ECE1: variants seen among roughly 807,000 people sequenced by gnomAD.
The protein encoded by ECE1 is endothelin converting enzyme 1, also known as endothelin-converting enzyme 1.
In ECE1, 35 loss-of-function variants were observed where a neutral mutation model predicts 98.6. That is an observed-to-expected ratio of 0.35 (90% CI 0.27 to 0.47). The LOEUF is 0.47. Ranked by LOEUF, ECE1 falls within the 20% of genes least tolerant of loss-of-function variation. The pLI, the probability that ECE1 is intolerant of heterozygous loss-of-function variation, is 1.00. For missense variants in ECE1, 814 were observed against 1,025.3 expected (o/e 0.79, Z 2.81); for synonymous variants, 394 against 407.1 (o/e 0.97, Z 0.39).
chr1:21,263,421 A>T (rs2098229700), intron 4 of ECE1, among the ~76,000 whole-genome samples: 1 of 151,748 alleles, frequency 6.6e-6, no homozygotes, highest in South Asian at 2.1e-4. Context: ...CAGGGGCGCA[A>T]TCTCGGCTCA....
intron 9 of ECE1, among the ~76,000 whole-genome samples, chr1:21,245,318 G>T (rs2098201923): frequency 6.6e-6 from 1 of 152,248 alleles, no homozygotes; most frequent in African/African-American, 2.4e-5. Context: ...AAACGCTTCA[G>T]TGTTGAGTGC....
Position 21,238,414 on chromosome 1 carries a change from C to T in ECE1, c.1279-170G>A, listed in dbSNP as rs1272744446. ...TCACCGGACCAAGAGGCCACTGATA[C>T]CCTCACTCCCACCCCCTGCCATTTC... On this transcript the variant is annotated intron_variant, in intron 10 of 18. Transcript: ENST00000374893. 9.0e-6 allele frequency: 6 copies of T among 665,154 alleles called. No homozygotes were observed. The East Asian group carries it at 1.6e-4, about 18-fold the overall frequency. 41.2% of individuals were successfully genotyped at this position (665,154 alleles called of 1,614,324 possible).
In ECE1 at chr1:21,314,370, C is replaced by A. The variant is rs377479547; in HGVS notation, c.4-24214G>T. On this transcript the variant is annotated intron_variant, in intron 1 of 18. Coordinates refer to the ECE1 transcript ENST00000415912. ...AATTCCTGGCTCGGTAGTGATACAG[C>A]CTGAGCTCCTCCTCTCCCTCCAGGG... Among the ~76,000 whole-genome samples the A allele has an allele frequency of 1.1e-4, 16 of 152,336 alleles. No homozygotes were observed. The East Asian group carries it at 2.1e-3, about 20-fold the overall frequency.
intron 10 of ECE1, among the ~76,000 whole-genome samples, chr1:21,239,962 G>A (rs2098193931): frequency 1.3e-5 from 2 of 152,106 alleles, no homozygotes; most frequent in Non-Finnish European, 2.9e-5. Flanking sequence ...CTTGAGGTCA[G>A]GAGTTCAAGA....
intron 1 of ECE1, among the ~76,000 whole-genome samples, chr1:21,304,004 T>C (rs1002756031): frequency 6.8e-6 from 1 of 146,658 alleles, no homozygotes; most frequent in African/African-American, 2.6e-5. Context: ...AAAAAATGAA[T>C]AGTTTCCATT....
intron 1 of ECE1, among the ~76,000 whole-genome samples, chr1:21,335,075 C>T (rs1639279716): frequency 6.6e-6 from 1 of 152,108 alleles, no homozygotes; most frequent in Non-Finnish European, 1.5e-5. Flanking sequence ...CCCTAGCCTT[C>T]CCTCCACCCT....
intron 1 of ECE1, among the ~76,000 whole-genome samples, chr1:21,324,961 A>G (rs953523940): frequency 6.6e-6 from 1 of 152,250 alleles, no homozygotes; most frequent in South Asian, 2.1e-4. Flanking sequence ...CGAAAGAAGG[A>G]GAAAAACAGT....
At chr1:21,282,942 T>C (rs868512976) in intron 2 of ECE1, among the ~76,000 whole-genome samples, 2 of 146,256 alleles carry the variant, frequency 1.4e-5, no homozygotes, top group Non-Finnish European at 3.0e-5. Flanking sequence ...ACATTATTTT[T>C]TTTTTTTTTT....
At chr1:21,332,235 A>G (rs1639212954) in intron 1 of ECE1, among the ~76,000 whole-genome samples, 1 of 152,008 alleles carries the variant, frequency 6.6e-6, no homozygotes, top group African/African-American at 2.4e-5. Flanking sequence ...GCCATAGTAC[A>G]AACCCCTAGA....
Position 21,239,591 on chromosome 1 carries a change from CCA to C in ECE1, c.1279-1349_1279-1348del, listed in dbSNP as rs548672570. Among the ~76,000 whole-genome samples, 551 of 152,228 alleles carry C rather than the reference CCA, an allele frequency of 3.6e-3. 5 individuals carry two copies. The highest frequency in any genetic ancestry group is 0.012 in the African/African-American group (497 of 41,538). ...ATATATACGACAGCATGGATAAATT[CCA>C]CAGACTCAAGCTGAGCAAAAGCAGC... On this transcript the variant is annotated intron_variant, in intron 10 of 18. Transcript: ENST00000374893.
At chr1:21,230,509 C>A (rs1008038687) in intron 14 of ECE1, among the ~76,000 whole-genome samples, 1 of 152,160 alleles carries the variant, frequency 6.6e-6, no homozygotes, top group African/African-American at 2.4e-5. Flanking sequence ...GCCTCAGCCA[C>A]CTGAGTAGCT....
At chr1:21,293,048 G>A (rs1434934342), upstream of ECE1, among the ~76,000 whole-genome samples, 4 of 152,192 alleles carry the variant, frequency 2.6e-5, no homozygotes, top group Non-Finnish European at 5.9e-5. Context: ...ACATCTCCCC[G>A]GGGCATGTGG....
At chr1:21,246,816 T>C (rs1006538833) in intron 9 of ECE1, among the ~76,000 whole-genome samples, 2 of 152,128 alleles carry the variant, frequency 1.3e-5, no homozygotes, top group Non-Finnish European at 2.9e-5. Flanking sequence ...CGCGACACCA[T>C]GTCTGGCTAA....
intron 4 of ECE1, among the ~76,000 whole-genome samples, chr1:21,265,459 A>G (rs2098232703): frequency 6.6e-6 from 1 of 152,162 alleles, no homozygotes; most frequent in Non-Finnish European, 1.5e-5. Context: ...TTGAACCCAG[A>G]TGGCGGAGGT....
chr1:21,331,479 G>C (rs1639199935), intron 1 of ECE1, among the ~76,000 whole-genome samples: 1 of 152,124 alleles, frequency 6.6e-6, no homozygotes, highest in Admixed American at 6.6e-5. Context: ...TTACTCGAGA[G>C]GCTGAGGTGG....
chr1:21,338,101 A>G (rs1167685115), intron 1 of ECE1, among the ~76,000 whole-genome samples: 2 of 152,146 alleles, frequency 1.3e-5, no homozygotes, highest in Non-Finnish European at 2.9e-5. Context: ...CATAGCTCTG[A>G]GGACATTTCA....
intron 4 of ECE1, among the ~76,000 whole-genome samples, chr1:21,261,103 G>GC (rs2098226297): frequency 6.6e-6 from 1 of 152,164 alleles, no homozygotes; most frequent in South Asian, 2.1e-4. Context: ...ACCGCTTCCT[G>GC]CCACTCAGGT....
chr1:21,238,872 G>A (rs979495248), intron 10 of ECE1, among the ~76,000 whole-genome samples: 6 of 151,948 alleles, frequency 3.9e-5, no homozygotes, highest in African/African-American at 1.2e-4. Context: ...GAGTGCAGTG[G>A]TGCGATCACA....
chr1:21,299,103 C>T (rs1479790307), intron 1 of ECE1: 2 of 334,446 alleles, frequency 6.0e-6, no homozygotes, highest in Non-Finnish European at 1.2e-5. Flanking sequence ...AAAGTTAACC[C>T]GTCTCATTGA....
Sources: gnomAD v4.1 joint callset for allele counts (sites outside exome capture counted in the v4.1 genomes callset) on GRCh38, gnomAD v4.1.1 for gene constraint, MANE v1.5 for transcripts, NCBI Gene and HGNC (gene_info 2026-07-23, HGNC 2026-07-21) for gene names.